Variants in TOP1 observed in about 807,000 individuals in gnomAD.
TOP1 encodes DNA topoisomerase I, also known as DNA topoisomerase 1.
TOP1 carries 10 observed loss-of-function variants against 111.1 expected under a neutral mutation model. The ratio of observed to expected loss-of-function variants is 0.09; its 90% confidence interval spans 0.06 to 0.15. The LOEUF (loss-of-function observed/expected upper bound fraction) is 0.15, where lower values mean the gene tolerates loss of function less well. Among genes scored for constraint, TOP1 ranks in the 10% least tolerant of loss-of-function variants. The pLI, the probability that TOP1 is intolerant of heterozygous loss-of-function variation, is 1.00. For synonymous variants in TOP1, 271 were observed against 302.9 expected (o/e 0.89, Z 1.10); for missense variants, 474 against 926.7 (o/e 0.51, Z 6.34).
rs2033962642 is a variant in TOP1, at chr20:41,094,768, G to T, written c.730+2181G>T. On this transcript the variant is annotated intron_variant, in intron 9 of 20. Coordinates refer to ENST00000361337, the MANE Select transcript of TOP1 (RefSeq NM_003286.4). This position sits in a 1 kb window ranked among gnomAD's most constrained non-coding sequence, Gnocchi z 4.4. The stretch of plus-strand genomic sequence containing the variant: ...TTAGACTCCTTTAGAACTTGCCAGG[G>T]AGGTGGGGCATGGGCTAGCTGAAGC... 6.6e-6 allele frequency among the ~76,000 whole-genome samples: 1 copy of T among 152,170 alleles called. No individual in the cohort carries two copies. Among genetic ancestry groups the T allele is most frequent in the Non-Finnish European group, 1.5e-5 (1 of 68,034 alleles).
rs1246924051 is a variant in TOP1, at chr20:41,109,305, T to C, written c.1309-3477T>C. On this transcript the variant is annotated intron_variant, in intron 13 of 20. Transcript: ENST00000361337. The surrounding 1 kb of genome is among the most constrained non-coding windows in gnomAD (Gnocchi z 4.1). Reference sequence around the variant, plus strand: ...TGAGCCTGGCATCTTGGTATAAAATTCAAAACGTTTTAAATCTATTTATTA... The same window carrying C: ...TGAGCCTGGCATCTTGGTATAAAATCCAAAACGTTTTAAATCTATTTATTA... Among the ~76,000 whole-genome samples, 1 of 152,150 alleles carries C rather than the reference T, an allele frequency of 6.6e-6. No homozygotes were observed. Among genetic ancestry groups the C allele is most frequent in the Non-Finnish European group, 1.5e-5 (1 of 68,016 alleles).
At chr20:41,088,374 C>T (rs1201131356) in intron 8 of TOP1, among the ~76,000 whole-genome samples, 4 of 152,246 alleles carry the variant, frequency 2.6e-5, no homozygotes, top group African/African-American at 9.6e-5. Flanking sequence ...TGGTGGCGGG[C>T]ACCTGTCGTC....
In TOP1 at chr20:41,106,656, T is replaced by C. The variant is rs6124317; in HGVS notation, c.1308+5303T>C. On this transcript the variant is annotated intron_variant, in intron 13 of 20. Transcript: ENST00000361337. The surrounding 1 kb of genome is among the most constrained non-coding windows in gnomAD (Gnocchi z 4.3). Reference sequence around the variant, plus strand: ...GTGATCTTATAGTTTTTATTGCTAATGTGAATGAGATTTTTTTCCATTATG... The same window carrying C: ...GTGATCTTATAGTTTTTATTGCTAACGTGAATGAGATTTTTTTCCATTATG... 0.22 allele frequency among the ~76,000 whole-genome samples: 33,395 copies of C among 152,048 alleles called. 3,733 individuals carry two copies. Among genetic ancestry groups the C allele is most frequent in the South Asian group, 0.3 (1,449 of 4,822 alleles).
intron 8 of TOP1, among the ~76,000 whole-genome samples, chr20:41,085,175 G>C (rs1358367230): frequency 6.6e-6 from 1 of 151,546 alleles, no homozygotes; most frequent in Non-Finnish European, 1.5e-5. Flanking sequence ...AAATATGAAA[G>C]GAATGATCTA....
chr20:41,098,237 A>T lies in TOP1; in HGVS notation c.875A>T (p.Asn292Ile). 6.2e-7 allele frequency: 1 copy of T among 1,613,950 alleles called. No homozygotes were observed. Among genetic ancestry groups the T allele is most frequent in the Middle Eastern group, 1.6e-4 (1 of 6,062 alleles). Residue 292 changes from asparagine (N) to isoleucine (I), a missense_variant, in exon 11 of 21, where the codon AAT becomes ATT. Transcript: ENST00000361337. This position sits in a 1 kb window ranked among gnomAD's most constrained non-coding sequence, Gnocchi z 5.7. ...TAGGAAATGACTAATGAAGAGAAGA[A>T]TATTATCACCAACCTAAGCAAATGT... is the stretch of plus-strand genomic sequence containing the variant. ...WRKEMTNEEK[N>I]IITNLSKCDF...
rs78862628 is a variant in TOP1 at position 41,123,019 on chromosome 20, T to C, written c.2196-176T>C. The stretch of plus-strand genomic sequence containing the variant: ...CAGAAGCACCTACTTTAGAGATCAC[T>C]GCCAAGATTAAATGAGTTGATCACA... On this transcript the variant is annotated intron_variant, in intron 20 of 20. Transcript: ENST00000361337. This position sits in a 1 kb window ranked among gnomAD's most constrained non-coding sequence, Gnocchi z 5.8. Among the ~76,000 whole-genome samples the C allele has an allele frequency of 3.2e-3, 493 of 152,354 alleles. No individual in the cohort carries two copies. The highest frequency in any genetic ancestry group is 5.4e-3 in the Non-Finnish European group (365 of 68,040).
intron 8 of TOP1, among the ~76,000 whole-genome samples, 179 bp downstream of exon 8, chr20:41,084,747 C>T (rs2033827772): frequency 6.6e-6 from 1 of 152,170 alleles, no homozygotes; most frequent in African/African-American, 2.4e-5. Context: ...TTAACTGGTT[C>T]TAAATCTATT....
chr20:41,062,475 A>G (rs1214070934), intron 3 of TOP1, among the ~76,000 whole-genome samples: 5 of 152,032 alleles, frequency 3.3e-5, no homozygotes, highest in African/African-American at 1.2e-4. Context: ...TCCCTCACTT[A>G]TCTCTTATCA....
intron 2 of TOP1, among the ~76,000 whole-genome samples, chr20:41,035,487 G>A (rs2033173690): frequency 6.6e-6 from 1 of 152,174 alleles, no homozygotes; most frequent in Non-Finnish European, 1.5e-5. Context: ...AAAGCAATCA[G>A]TATTTTTAGG....
At position 41,098,645 on chromosome 20, in the gene TOP1, G is replaced by A. The variant is rs1253805200; in HGVS notation, c.975+308G>A. On this transcript the variant is annotated intron_variant, in intron 11 of 20. Transcript: ENST00000361337. This position sits in a 1 kb window ranked among gnomAD's most constrained non-coding sequence, Gnocchi z 5.7. ...CAGACCTGTCCCACAGTGGCTACTG[G>A]ATATTAAGGATTTAAGACAGATGAA... The A allele has an allele frequency of 4.3e-6, 1 of 234,120 alleles. No homozygotes were observed. Among genetic ancestry groups the A allele is most frequent in the African/African-American group, 2.3e-5 (1 of 43,074 alleles). The allele number at this position is 234,120 out of a possible 1,614,324, so 14.5% of individuals were successfully genotyped here. A position where few individuals can be genotyped will look rare whatever the true frequency, so the allele number is the denominator to read the frequency against.
In TOP1 at chr20:41,101,041, CAGTT is replaced by C; in HGVS notation, c.1164-167_1164-164del. ...TTTTGTATTGAATATTTTCGGATGA[CAGTT>C]GGCTGAGGGTAAGTAAAACCATGCA... On this transcript the variant is annotated intron_variant, in intron 12 of 20. Transcript: ENST00000361337. This position sits in a 1 kb window ranked among gnomAD's most constrained non-coding sequence, Gnocchi z 4.1. 1.6e-6 allele frequency: 1 copy of C among 614,918 alleles called. No individual in the cohort carries two copies. Among genetic ancestry groups the C allele is most frequent in the South Asian group, 2.2e-5 (1 of 44,604 alleles). 38.1% of individuals were successfully genotyped at this position (614,918 alleles called of 1,614,324 possible). A position where few individuals can be genotyped will look rare whatever the true frequency, so the allele number is the denominator to read the frequency against.
chr20:41,062,986 T>C (rs1237708085), intron 3 of TOP1, among the ~76,000 whole-genome samples: 1 of 152,222 alleles, frequency 6.6e-6, no homozygotes, highest in African/African-American at 2.4e-5. Flanking sequence ...ATAGGCAACT[T>C]TGTTACCTGG....
At chr20:41,059,673 C>A (rs761978087) in intron 2 of TOP1, among the ~76,000 whole-genome samples, 27 of 151,634 alleles carry the variant, frequency 1.8e-4, no homozygotes, top group Admixed American at 5.3e-4. Flanking sequence ...ACATACAGAC[C>A]CTAAAAGAGA....
Position 41,082,269 on chromosome 20 carries a change from TTAA to T in TOP1, c.507+1034_507+1036del, listed in dbSNP as rs2033797305. 6.6e-6 allele frequency among the ~76,000 whole-genome samples: 1 copy of T among 152,208 alleles called. No homozygotes were observed. The highest frequency in any genetic ancestry group is 2.4e-5 in the African/African-American group (1 of 41,452). ...GATAATCTATCATAATAGAATGATG[TTAA>T]TAATCACAATTAAATGTAATAGGTG... On this transcript the variant is annotated intron_variant, in intron 7 of 20. Coordinates refer to ENST00000361337, the MANE Select transcript of TOP1 (RefSeq NM_003286.4). The surrounding 1 kb of genome is among the most constrained non-coding windows in gnomAD (Gnocchi z 4.1).
At chr20:41,113,035 A>T in intron 14 of TOP1, 110 bp downstream of exon 14, 2 of 1,124,170 alleles carry the variant, frequency 1.8e-6, no homozygotes, top group South Asian at 3.4e-5. Flanking sequence ...CAACATACAT[A>T]TATTTGTATG....
Position 41,118,326 on chromosome 20 carries a change from T to A in TOP1, c.1950+30T>A. The A allele has an allele frequency of 6.2e-7, 1 of 1,612,360 alleles. No individual in the cohort carries two copies. Among genetic ancestry groups the A allele is most frequent in the Non-Finnish European group, 8.5e-7 (1 of 1,178,664 alleles). ...CTTGGATAAAATGAAGGGAACTGTG[T>A]CTGCTGTGGGCAGATTATCTGCGAA... On this transcript the variant is annotated intron_variant, in intron 18 of 20. Transcript: ENST00000361337. The surrounding 1 kb of genome is among the most constrained non-coding windows in gnomAD (Gnocchi z 4.6).
intron 2 of TOP1, among the ~76,000 whole-genome samples, chr20:41,031,044 G>C (rs575524290): frequency 1.4e-4 from 22 of 152,292 alleles, no homozygotes; most frequent in Admixed American, 5.9e-4. Context: ...TGAAGTATAG[G>C]GGAGTTAATT....
At chr20:41,072,581 C>T in intron 3 of TOP1, 1 of 985,430 alleles carries the variant, frequency 1.0e-6, no homozygotes, top group Non-Finnish European at 1.2e-6. Context: ...AGCGCCTTTG[C>T]TACTTCCTTC....
rs2034265449 is a variant in TOP1, at chr20:41,112,927, T to C, written c.1452+2T>C. The stretch of plus-strand genomic sequence containing the variant: ...GTAGCCCTGTACTTCATCGACAAGG[T>C]GAGAGCATCTTCCCATCGGCATTGT... On this transcript the variant is annotated splice_donor_variant, in intron 14 of 20. Coordinates refer to ENST00000361337, the MANE Select transcript of TOP1 (RefSeq NM_003286.4). LOFTEE classifies it high-confidence loss of function. This position sits in a 1 kb window ranked among gnomAD's most constrained non-coding sequence, Gnocchi z 5.8. The C allele has an allele frequency of 1.2e-6, 2 of 1,613,642 alleles. No homozygotes were observed. Among genetic ancestry groups the C allele is most frequent in the South Asian group, 1.1e-5 (1 of 91,034 alleles).
Sources: gnomAD v4.1 joint callset for allele counts (sites outside exome capture counted in the v4.1 genomes callset) on GRCh38, gnomAD v4.1.1 for gene constraint, Gnocchi (gnomAD v3.1) non-coding constraint, MANE v1.5 for transcripts, NCBI Gene and HGNC (gene_info 2026-07-23, HGNC 2026-07-21) for gene names.